The following IFT43 variants were observed in gnomAD, a reference collection of about 807,000 sequenced individuals.
IFT43 encodes the protein intraflagellar transport 43.
Under a neutral mutation model 32.3 loss-of-function variants are expected in IFT43, and 33 were observed. The ratio of observed to expected loss-of-function variants is 1.02; its 90% CI spans 0.77 to 1.37. IFT43 has a LOEUF of 1.37. IFT43 is among the 40% of genes most tolerant of loss of function. The pLI, the probability that IFT43 is intolerant of heterozygous loss-of-function variation, is 0.00. For missense variants in IFT43, 274 were observed against 265.9 expected, an observed-to-expected ratio of 1.03 and a Z score of -0.21; for synonymous variants, 93 against 98.2, an observed-to-expected ratio of 0.95 and a Z score of 0.31.
At position 76,083,607 on chromosome 14, in the gene IFT43, A is replaced by C; in HGVS notation, c.*30A>C. On this transcript the variant is annotated 3_prime_UTR_variant, in exon 9 of 9. Transcript: ENST00000314067. The stretch of plus-strand genomic sequence containing the variant: ...GTCACCCATGCTCTAGACATGAAGA[A>C]ATGCAATGAGCTTAAAGCTAAAGAA... 6.2e-7 allele frequency: 1 copy of C among 1,611,206 alleles called. No homozygotes were observed. The highest frequency in any genetic ancestry group is 8.5e-7 in the Non-Finnish European group (1 of 1,178,566).
chr14:76,067,602 C>T (rs1471567140), intron 5 of IFT43, among the ~76,000 whole-genome samples: 3 of 150,188 alleles, frequency 2.0e-5, no homozygotes, highest in South Asian at 2.1e-4. Context: ...AGAGAGAAGG[C>T]GCTTTGAAGA....
At chr14:76,073,183 A>G (rs2037351749) in intron 5 of IFT43, among the ~76,000 whole-genome samples, 1 of 152,148 alleles carries the variant, frequency 6.6e-6, no homozygotes, top group East Asian at 1.9e-4. Flanking sequence ...AGTCTTTGTA[A>G]CCCAGAACAC....
At chr14:76,045,212 A>G (rs192244214) in intron 3 of IFT43, among the ~76,000 whole-genome samples, 6 of 152,260 alleles carry the variant, frequency 3.9e-5, no homozygotes, top group South Asian at 2.1e-4. Context: ...AGGCTAGACA[A>G]AGTTGTGGAG....
intron 2 of IFT43, among the ~76,000 whole-genome samples, chr14:76,019,453 T>C (rs950684098): frequency 2.0e-5 from 3 of 152,144 alleles, no homozygotes; most frequent in African/African-American, 7.2e-5. Flanking sequence ...CTGCTGGGAA[T>C]TCCCTTTTAT....
At chr14:76,015,963 G>A (rs530843100) in intron 2 of IFT43, among the ~76,000 whole-genome samples, 6 of 152,276 alleles carry the variant, frequency 3.9e-5, no homozygotes, top group South Asian at 2.1e-4. Flanking sequence ...TTGGCCATTT[G>A]TGTGTCATCT....
intron 1 of IFT43, chr14:75,986,191 T>G (rs540499789): frequency 7.6e-7 from 1 of 1,316,440 alleles, no homozygotes; most frequent in Non-Finnish European, 9.9e-7. Flanking sequence ...CCGGCCGGGG[T>G]CGCACTCGCT....
intron 2 of IFT43, among the ~76,000 whole-genome samples, chr14:76,011,860 G>A (rs1334755495): frequency 1.3e-5 from 2 of 152,284 alleles, no homozygotes; most frequent in East Asian, 1.9e-4. Flanking sequence ...AACTGTGCGT[G>A]GAGGACAGAT....
At chr14:76,082,572 A>G in intron 6 of IFT43, 45 bp from the exon 7 acceptor site, 1 of 1,612,174 alleles carries the variant, frequency 6.2e-7, no homozygotes, top group South Asian at 1.1e-5. Context: ...CTCCTGGAAC[A>G]GGTCCTGCCT....
chr14:76,063,554 T>C (rs1400063034), intron 5 of IFT43, among the ~76,000 whole-genome samples: 1 of 152,272 alleles, frequency 6.6e-6, no homozygotes, highest in East Asian at 1.9e-4. Context: ...GGGCTTACTT[T>C]ATCTGTTTTC....
chr14:76,007,511 A>C (rs2036001998), intron 2 of IFT43, among the ~76,000 whole-genome samples: 1 of 152,232 alleles, frequency 6.6e-6, no homozygotes, highest in African/African-American at 2.4e-5. Context: ...AGCTTGTTCC[A>C]AGTCATTCCA....
intron 1 of IFT43, among the ~76,000 whole-genome samples, chr14:75,988,150 T>C (rs1006616196): frequency 3.9e-5 from 6 of 152,152 alleles, no homozygotes; most frequent in Admixed American, 3.3e-4. Context: ...TCTTTTGCCA[T>C]CTCTATAGCT....
At chr14:76,055,508 T>C (rs2036995909) in intron 3 of IFT43, among the ~76,000 whole-genome samples, 2 of 152,112 alleles carry the variant, frequency 1.3e-5, no homozygotes, top group South Asian at 4.2e-4. Context: ...AAAGAAAAAT[T>C]TTAAAAGGAA....
chr14:76,004,254 G>A (rs543988649), intron 2 of IFT43, among the ~76,000 whole-genome samples: 3 of 152,104 alleles, frequency 2.0e-5, no homozygotes, highest in East Asian at 3.9e-4. Flanking sequence ...TCTCTATCTA[G>A]TTTATCTGAA....
chr14:76,064,345 C>T (rs748183077), intron 5 of IFT43, among the ~76,000 whole-genome samples: 18 of 152,342 alleles, frequency 1.2e-4, no homozygotes, highest in Non-Finnish European at 2.4e-4. Flanking sequence ...GTCACACTTG[C>T]AATCTGCCTG....
chr14:76,021,370 C>T (rs747016355), intron 2 of IFT43, among the ~76,000 whole-genome samples: 7 of 152,160 alleles, frequency 4.6e-5, no homozygotes, highest in South Asian at 2.1e-4. Flanking sequence ...TATTACTTTT[C>T]GGTTTATAAA....
At chr14:76,057,209 A>T (rs1377017192) in intron 3 of IFT43, among the ~76,000 whole-genome samples, 2 of 151,834 alleles carry the variant, frequency 1.3e-5, no homozygotes, top group Non-Finnish European at 2.9e-5. Context: ...CTTACTTTTT[A>T]AAATCATTTT....
At chr14:76,027,467 T>G (rs535837638) in intron 3 of IFT43, among the ~76,000 whole-genome samples, 1 of 152,192 alleles carries the variant, frequency 6.6e-6, no homozygotes, top group Admixed American at 6.5e-5. Context: ...TCACGCACTT[T>G]GGGAGGCCGA....
At chr14:76,070,919 CT>C (rs2037310538) in intron 5 of IFT43, among the ~76,000 whole-genome samples, 1 of 152,180 alleles carries the variant, frequency 6.6e-6, no homozygotes, top group African/African-American at 2.4e-5. Context: ...CCAATTAAAT[CT>C]CTTTTCTTTA....
intron 2 of IFT43, among the ~76,000 whole-genome samples, chr14:76,002,318 T>C (rs1022774597): frequency 5.9e-5 from 9 of 151,592 alleles, no homozygotes; most frequent in African/African-American, 1.5e-4. Flanking sequence ...AACCCAAGTT[T>C]AGAGGGGACA....
Sources: allele counts gnomAD v4.1 joint callset (sites outside exome capture counted in the v4.1 genomes callset), GRCh38; gene constraint gnomAD v4.1.1; transcripts MANE v1.5; gene names NCBI Gene and HGNC (gene_info 2026-07-23, HGNC 2026-07-21).